Variants in ADAMTSL3 observed in about 807,000 individuals in gnomAD.
The protein encoded by ADAMTSL3 is ADAMTS-like protein 3.
A neutral mutation model predicts 201.7 loss-of-function variants in ADAMTSL3; 128 were observed. The observed-to-expected ratio is 0.63, with a 90% CI of 0.55 to 0.73. The LOEUF is 0.73. Among genes scored for constraint, ADAMTSL3 ranks in the 30% least tolerant of loss-of-function variants. The pLI, the probability that ADAMTSL3 is intolerant of heterozygous loss-of-function variation, is 0.00. For synonymous variants in ADAMTSL3, 738 were observed against 748.4 expected (o/e 0.99, Z 0.23); for missense variants, 1,990 against 2,119.6 (o/e 0.94, Z 1.20).
rs866085628 is a variant in ADAMTSL3, at chr15:83,795,269, A to G, written c.318-9381A>G. Among the ~76,000 whole-genome samples the G allele has an allele frequency of 1.0e-3, 115 of 110,360 alleles. No homozygotes were observed. In the Middle Eastern group the frequency reaches 0.016, roughly 15 times the overall value. 72.4% of individuals were successfully genotyped at this position (110,360 alleles called of 152,430 possible). ...AACAACAACAACAGCAGCAGCAACAACAACAACAACAACAACAACAGAACT... is the reference window on the plus strand; with the variant it reads ...AACAACAACAACAGCAGCAGCAACAGCAACAACAACAACAACAACAGAACT... On this transcript the variant is annotated intron_variant, in intron 4 of 29. Transcript: ENST00000286744.
At chr15:83,823,959 T>A (rs151101754) in intron 6 of ADAMTSL3, among the ~76,000 whole-genome samples, 7,742 of 83,996 alleles carry the variant, frequency 0.092, 634 homozygotes, top group East Asian at 0.39. Context: ...CTTCTTCTTC[T>A]TCTTCTTCTT....
intron 3 of ADAMTSL3, among the ~76,000 whole-genome samples, chr15:83,739,461 A>G (rs2062420283): frequency 6.6e-6 from 1 of 150,786 alleles, no homozygotes; most frequent in Non-Finnish European, 1.5e-5. Flanking sequence ...TTCACAAAAT[A>G]ATTTAAAATA....
chr15:83,903,181 T>G (rs1467625689), intron 15 of ADAMTSL3, among the ~76,000 whole-genome samples: 3 of 151,858 alleles, frequency 2.0e-5, no homozygotes, highest in Non-Finnish European at 4.4e-5. Flanking sequence ...CCCCACTGAG[T>G]CAGATACTGT....
chr15:83,716,424 G>A (rs564702067), intron 3 of ADAMTSL3, among the ~76,000 whole-genome samples: 1 of 150,324 alleles, frequency 6.7e-6, no homozygotes, highest in South Asian at 2.1e-4. Context: ...GGTTGAGGTA[G>A]AATTGCTTGA....
chr15:83,906,622 CCACACACA>C (rs1157198460), intron 15 of ADAMTSL3, among the ~76,000 whole-genome samples: 1,171 of 78,988 alleles, frequency 0.015, 11 homozygotes, highest in African/African-American at 0.043. Context: ...GTGCCACACA[CCACACACA>C]CACACACACA....
At position 83,943,023 on chromosome 15, in the gene ADAMTSL3, C is replaced by G. The variant is rs1051553887; in HGVS notation, c.2431C>G (p.His811Asp). 1 of 1,614,096 alleles carries G rather than the reference C, an allele frequency of 6.2e-7. No homozygotes were observed. Among genetic ancestry groups the G allele is most frequent in the Non-Finnish European group, 8.5e-7 (1 of 1,179,960 alleles). The change falls in exon 19 of 30, where the codon CAC becomes GAC. Residue 811 changes from histidine (H) to aspartate (D), a missense_variant. Coordinates refer to ENST00000286744, the MANE Select transcript of ADAMTSL3 (RefSeq NM_207517.3). ...GTGCCAAGGACCCAAGGCATCGTCT[C>G]ACAAGTCCTGTGCCAGGACAGACTG... ...ELCQGPKASSHKSCARTDCPP... is the reference protein window; with the variant it reads ...ELCQGPKASSDKSCARTDCPP...
intron 23 of ADAMTSL3, among the ~76,000 whole-genome samples, chr15:84,002,371 T>TC (rs1381303112): frequency 3.9e-5 from 6 of 152,180 alleles, no homozygotes; most frequent in African/African-American, 1.4e-4. Flanking sequence ...ACTGCTTTCA[T>TC]CCCCAAAATC....
At chr15:83,772,403 G>A (rs1267197659) in intron 3 of ADAMTSL3, among the ~76,000 whole-genome samples, 2 of 152,046 alleles carry the variant, frequency 1.3e-5, no homozygotes, top group Admixed American at 6.5e-5. Flanking sequence ...TTCTTTTCAG[G>A]TCTATACCTA....
intron 5 of ADAMTSL3, among the ~76,000 whole-genome samples, chr15:83,813,992 T>A (rs929187910): frequency 2.6e-5 from 4 of 152,176 alleles, no homozygotes; most frequent in African/African-American, 9.7e-5. Context: ...AATTTTAAGA[T>A]AAGTGTATCA....
At chr15:83,813,667 G>A (rs1205416183) in intron 5 of ADAMTSL3, among the ~76,000 whole-genome samples, 1 of 152,154 alleles carries the variant, frequency 6.6e-6, no homozygotes, top group Admixed American at 6.5e-5. Context: ...GGGAGATGGG[G>A]ATTTGGGCTT....
In ADAMTSL3 at chr15:83,785,485, G is replaced by T. The variant is rs2063246245; in HGVS notation, c.317+11835G>T. ...TGCTTATAGACCTCCCAGGCCAGCT[G>T]GTTTTTTTGTAGATAACCTATTTTT... On this transcript the variant is annotated intron_variant, in intron 4 of 29. Coordinates refer to ENST00000286744, the MANE Select transcript of ADAMTSL3 (RefSeq NM_207517.3). Among the ~76,000 whole-genome samples the T allele has an allele frequency of 2.0e-5, 3 of 152,076 alleles. No individual in the cohort carries two copies. In the South Asian group the frequency reaches 6.2e-4, roughly 32 times the overall value.
At position 83,757,233 on chromosome 15, in the gene ADAMTSL3, TG is replaced by T. The variant is rs1241954032; in HGVS notation, c.190-16289del. Among the ~76,000 whole-genome samples the T allele has an allele frequency of 1.1e-4, 16 of 152,376 alleles. No homozygotes were observed. The East Asian group carries it at 2.9e-3, about 28-fold the overall frequency. On this transcript the variant is annotated intron_variant, in intron 3 of 29. Transcript: ENST00000286744. Reference sequence around the variant, plus strand: ...CTAGCAGAGGTTCTCCATGAGGGCTTGCCCCTGCTGCAAACTTTTGCATGGA... The same window carrying T: ...CTAGCAGAGGTTCTCCATGAGGGCTTCCCCTGCTGCAAACTTTTGCATGGA...
chr15:83,785,197 T>C (rs749962901), intron 4 of ADAMTSL3, among the ~76,000 whole-genome samples: 9 of 152,186 alleles, frequency 5.9e-5, no homozygotes, highest in Non-Finnish European at 1.2e-4. Flanking sequence ...CCCAAGAGCT[T>C]TCATTTCTAA....
intron 19 of ADAMTSL3, among the ~76,000 whole-genome samples, chr15:83,952,327 G>A (rs1475129233): frequency 6.6e-6 from 1 of 152,148 alleles, no homozygotes; most frequent in Non-Finnish European, 1.5e-5. Context: ...GGTGCTTGAT[G>A]TCATTTCAGT....
chr15:83,937,266 G>A (rs771156366), intron 17 of ADAMTSL3, among the ~76,000 whole-genome samples: 5 of 150,668 alleles, frequency 3.3e-5, no homozygotes, highest in African/African-American at 5.0e-5. Context: ...ATGTAAATAC[G>A]CATCAACAGT....
intron 2 of ADAMTSL3, among the ~76,000 whole-genome samples, chr15:83,657,655 A>G (rs570803162): frequency 9.8e-5 from 15 of 152,392 alleles, no homozygotes; most frequent in Admixed American, 9.1e-4. Flanking sequence ...AATAAATGTC[A>G]GCATTCTGCT....
intron 5 of ADAMTSL3, among the ~76,000 whole-genome samples, chr15:83,808,935 C>G (rs949288198): frequency 5.6e-5 from 8 of 142,412 alleles, no homozygotes; most frequent in Non-Finnish European, 1.5e-5. Context: ...AAAAAAACAA[C>G]TTGATATCTT....
chr15:83,943,026 A>G lies in ADAMTSL3; in HGVS notation c.2434A>G (p.Lys812Glu). 1.2e-6 allele frequency: 2 copies of G among 1,614,026 alleles called. No individual in the cohort carries two copies. The highest frequency in any genetic ancestry group is 1.7e-6 in the Non-Finnish European group (2 of 1,179,942). The change falls in exon 19 of 30, where the codon AAG (lysine) becomes GAG (glutamate). Residue 812 changes from lysine to glutamate, a missense_variant. Coordinates refer to ENST00000286744, the MANE Select transcript of ADAMTSL3 (RefSeq NM_207517.3). Reference protein sequence around the residue: ...LCQGPKASSHKSCARTDCPPH... With the variant: ...LCQGPKASSHESCARTDCPPH... ...CCAAGGACCCAAGGCATCGTCTCAC[A>G]AGTCCTGTGCCAGGACAGACTGTCC... is the stretch of plus-strand genomic sequence containing the variant.
intron 10 of ADAMTSL3, among the ~76,000 whole-genome samples, chr15:83,889,207 G>T (rs566574223): frequency 6.6e-6 from 1 of 152,066 alleles, no homozygotes; most frequent in Middle Eastern, 3.2e-3. Context: ...CATTCCTTCC[G>T]TTTGAAGGCT....
Sources: gnomAD v4.1 joint callset for allele counts (sites outside exome capture counted in the v4.1 genomes callset) on GRCh38, gnomAD v4.1.1 for gene constraint, MANE v1.5 for transcripts, NCBI Gene and HGNC (gene_info 2026-07-23, HGNC 2026-07-21) for gene names.